The following AGO4 variants were observed in gnomAD, a reference collection of about 807,000 sequenced individuals.
The protein encoded by AGO4 is argonaute RISC component 4, also known as protein argonaute-4.
A neutral mutation model predicts 104.7 loss-of-function variants in AGO4; 33 were observed. That is an observed-to-expected ratio of 0.32 (90% CI 0.24 to 0.42). The LOEUF (loss-of-function observed/expected upper bound fraction) is 0.42, where lower values mean the gene tolerates loss of function less well. AGO4 is among the 10% of genes least tolerant of loss of function. The pLI is 1.00. For synonymous variants in AGO4, 331 were observed against 364.7 expected (o/e 0.91, Z 1.05); for missense variants, 711 against 1,083.4 (o/e 0.66, Z 4.83).
chr1:35,841,807 T>G lies in AGO4; in HGVS notation c.2175+57T>G. 2 of 1,162,920 alleles carry G rather than the reference T, an allele frequency of 1.7e-6. No individual in the cohort carries two copies. The highest frequency in any genetic ancestry group is 1.6e-5 in the South Asian group (1 of 63,558). The allele number at this position is 1,162,920 out of a possible 1,614,324, so 72.0% of individuals were successfully genotyped here. ...GAGGCTCTGGCAAGAGATGTATATATGCACATATATATATATATATATATA... is the reference window on the plus strand; with the variant it reads ...GAGGCTCTGGCAAGAGATGTATATAGGCACATATATATATATATATATATA... On this transcript the variant is annotated intron_variant, in intron 15 of 17. Transcript: ENST00000373210. This position sits in a 1 kb window ranked among gnomAD's most constrained non-coding sequence, Gnocchi z 4.7.
chr1:35,826,781 T>G lies in AGO4; in HGVS notation c.794T>G (p.Met265Arg). 1 of 1,614,162 alleles carries G rather than the reference T, an allele frequency of 6.2e-7. No individual in the cohort carries two copies. Among genetic ancestry groups the G allele is most frequent in the Non-Finnish European group, 8.5e-7 (1 of 1,180,016 alleles). ...LKVEVTHCGQ[M>R]KRKYRVCNVT... ...GTTGAGGTGACCCACTGTGGACAGA[T>G]GAAACGAAAATACCGAGTTTGTAAT... The change falls in exon 7 of 18, where the codon ATG becomes AGG. Residue 265 changes from methionine to arginine, a missense_variant. Transcript: ENST00000373210.
chr1:35,828,451 G>T (rs1270615997), intron 7 of AGO4, among the ~76,000 whole-genome samples: 1 of 151,998 alleles, frequency 6.6e-6, no homozygotes, highest in Admixed American at 6.6e-5. Flanking sequence ...TACAGCTGTT[G>T]GTGTCTATGG....
intron 2 of AGO4, among the ~76,000 whole-genome samples, chr1:35,819,842 G>T (rs1643852047): frequency 6.6e-6 from 1 of 151,588 alleles, no homozygotes; most frequent in Non-Finnish European, 1.5e-5. Context: ...ATTAAGGTTG[G>T]ATTCAGGGAA....
chr1:35,837,960 G>A (rs1306730319), intron 13 of AGO4, among the ~76,000 whole-genome samples: 4 of 151,908 alleles, frequency 2.6e-5, no homozygotes, highest in African/African-American at 9.7e-5. Context: ...ATGACTCACT[G>A]CAGCCTCAAT....
intron 3 of AGO4, among the ~76,000 whole-genome samples, chr1:35,824,684 C>T (rs558249321): frequency 1.3e-5 from 2 of 152,040 alleles, no homozygotes; most frequent in East Asian, 1.9e-4. Flanking sequence ...ACTTGTAATT[C>T]CAGCTACTTG....
intron 2 of AGO4, among the ~76,000 whole-genome samples, chr1:35,822,194 A>T (rs1025129894): frequency 1.3e-5 from 2 of 151,428 alleles, no homozygotes; most frequent in African/African-American, 4.9e-5. Flanking sequence ...TATTGATTTG[A>T]TGACAAACTT....
At position 35,808,201 on chromosome 1, in the gene AGO4, T is replaced by G; in HGVS notation, c.-216T>G. Reference sequence around the variant, plus strand: ...CGGCGGCGGCGGCGGCGGCGGGGATTGTTTTTGTTGTCGCTGAGGCCGGAA... The same window carrying G: ...CGGCGGCGGCGGCGGCGGCGGGGATGGTTTTTGTTGTCGCTGAGGCCGGAA... On this transcript the variant is annotated 5_prime_UTR_variant, in exon 1 of 18. In the 5' UTR this introduces an upstream ATG that the reference lacks. Coordinates refer to ENST00000373210, the MANE Select transcript of AGO4 (RefSeq NM_017629.4). The surrounding 1 kb of genome is among the most constrained non-coding windows in gnomAD (Gnocchi z 5.2). The G allele has an allele frequency of 6.5e-6, 1 of 152,832 alleles. No individual in the cohort carries two copies. The highest frequency in any genetic ancestry group is 1.3e-5 in the Non-Finnish European group (1 of 74,144). The allele number at this position is 152,832 out of a possible 1,614,324, so 9.5% of individuals were successfully genotyped here. A position where few individuals can be genotyped will look rare whatever the true frequency, so the allele number is the denominator to read the frequency against.
chr1:35,841,205 G>A lies in AGO4; in HGVS notation c.1765G>A (p.Asp589Asn), dbSNP rs746407852. ...FQQPVIFLGA[D>N]VTHPPAGDGK... The stretch of plus-strand genomic sequence containing the variant: ...GCAGCCTGTCATCTTCCTGGGAGCG[G>A]ATGTCACACACCCCCCAGCAGGGGA... The change falls in exon 14 of 18, where the codon GAT becomes AAT. Residue 589 changes from aspartate to asparagine, a missense_variant. By Grantham distance (23) the Asp-to-Asn change is conservative. Transcript: ENST00000373210. This position sits in a 1 kb window ranked among gnomAD's most constrained non-coding sequence, Gnocchi z 4.7. 1 of 1,612,952 alleles carries A rather than the reference G, an allele frequency of 6.2e-7. No homozygotes were observed. The highest frequency in any genetic ancestry group is 8.5e-7 in the Non-Finnish European group (1 of 1,179,016).
At chr1:35,812,246 A>C (rs747404280) in intron 1 of AGO4, among the ~76,000 whole-genome samples, 2 of 152,208 alleles carry the variant, frequency 1.3e-5, no homozygotes, top group Non-Finnish European at 2.9e-5. Context: ...AAAAAGTTAT[A>C]ATTTTCAAAC....
At chr1:35,839,949 A>C (rs527564872) in intron 13 of AGO4, among the ~76,000 whole-genome samples, 1 of 150,888 alleles carries the variant, frequency 6.6e-6, no homozygotes, top group African/African-American at 2.4e-5. Context: ...CCTGGGCAAC[A>C]GAGTGAGACC....
chr1:35,826,010 C>A lies in AGO4; in HGVS notation c.710C>A (p.Thr237Asn). ...VLDIQNINEQ[T>N]KPLTDSQRVK... ...GACATTCAGAACATCAATGAACAGA[C>A]CAAACCTCTAACAGACTCCCAGCGT... The change falls in exon 6 of 18, where the codon ACC (threonine) becomes AAC (asparagine). Residue 237 changes from threonine to asparagine, a missense_variant. Thr to Asn is a moderately conservative substitution (Grantham distance 65, BLOSUM62 0). This residue lies in a region of AGO4 where 308 missense variants were observed against 397.8 expected (regional missense o/e 0.77). Transcript: ENST00000373210. The A allele has an allele frequency of 6.2e-7, 1 of 1,614,166 alleles. No homozygotes were observed. Among genetic ancestry groups the A allele is most frequent in the African/African-American group, 1.3e-5 (1 of 75,038 alleles).
chr1:35,850,157 G>A lies in AGO4; in HGVS notation c.2176G>A (p.Val726Ile), dbSNP rs754268138. The A allele has an allele frequency of 1.9e-6, 3 of 1,566,140 alleles. No homozygotes were observed. Among genetic ancestry groups the A allele is most frequent in the East Asian group, 4.7e-5 (2 of 42,624 alleles). Reference sequence around the variant, plus strand: ...AATTACTTTTTTTTGTTTTTTGTAGGTAGGGAAAAGTGGCAATGTACCAGC... The same window carrying A: ...AATTACTTTTTTTTGTTTTTTGTAGATAGGGAAAAGTGGCAATGTACCAGC... Reference protein sequence around the residue: ...RLFCADKTERVGKSGNVPAGT... With the variant: ...RLFCADKTERIGKSGNVPAGT... Residue 726 changes from valine (V) to isoleucine (I), a missense_variant and splice_region_variant, in exon 16 of 18, where the codon GTA becomes ATA. Transcript: ENST00000373210.
intron 16 of AGO4, 60 bp from the exon 17 acceptor site, chr1:35,850,794 A>AAAAC: frequency 9.1e-7 from 1 of 1,100,436 alleles, no homozygotes; most frequent in Non-Finnish European, 1.3e-6. Flanking sequence ...AAAAAAAAAA[A>AAAAC]AAAAACAAAA....
rs746317367 is a variant in AGO4 at position 35,814,660 on chromosome 1, AGGAC to A, written c.20-2218_20-2215del. On this transcript the variant is annotated intron_variant, in intron 1 of 17. Coordinates refer to ENST00000373210, the MANE Select transcript of AGO4 (RefSeq NM_017629.4). ...TATAGAGAGAGTCTTTTGAACACAG[AGGAC>A]GGATCCTCTAGTCTGGGAGAATCAG... Among the ~76,000 whole-genome samples the A allele has an allele frequency of 3.9e-5, 6 of 152,280 alleles. No individual in the cohort carries two copies. In the South Asian group the frequency reaches 1.0e-3, roughly 26 times the overall value.
chr1:35,825,966 G>C lies in AGO4; in HGVS notation c.666G>C (p.Glu222Asp), dbSNP rs1433704727. The change falls in exon 6 of 18, where the codon GAG becomes GAC. Residue 222 changes from glutamate (E) to aspartate (D), a missense_variant. Glu to Asp is a conservative substitution (Grantham distance 45). Coordinates refer to ENST00000373210, the MANE Select transcript of AGO4 (RefSeq NM_017629.4). ...TCTACCGGGCTCAGCCTATCATTGA[G>C]TTCATGTGTGAGGTTTTAGACATTC... is the stretch of plus-strand genomic sequence containing the variant. ...TAFYRAQPII[E>D]FMCEVLDIQN... The C allele has an allele frequency of 1.9e-6, 3 of 1,614,060 alleles. No homozygotes were observed. The highest frequency in any genetic ancestry group is 2.5e-6 in the Non-Finnish European group (3 of 1,180,040).
intron 2 of AGO4, among the ~76,000 whole-genome samples, chr1:35,818,040 A>C (rs1212861421): frequency 1.3e-5 from 2 of 152,238 alleles, no homozygotes; most frequent in African/African-American, 4.8e-5. Context: ...ATGAAGAAGC[A>C]AACAAAACAT....
intron 7 of AGO4, among the ~76,000 whole-genome samples, chr1:35,827,135 A>G (rs536754368): frequency 6.6e-6 from 1 of 152,196 alleles, no homozygotes; most frequent in South Asian, 2.1e-4. Context: ...TGGGAGGTGG[A>G]GGTTACAGTG....
rs780539939 is a variant in AGO4, at chr1:35,841,485, T to C, written c.2040+5T>C. 8 of 1,611,588 alleles carry C rather than the reference T, an allele frequency of 5.0e-6. No homozygotes were observed. Among genetic ancestry groups the C allele is most frequent in the African/African-American group, 2.7e-5 (2 of 74,868 alleles). ...TCTGAGGGACAAATGAAACAGGTAC[T>C]CTCATTATCCCTGTTGCCCTTCGGG... On this transcript the variant is annotated splice_donor_5th_base_variant and intron_variant, in intron 14 of 17. Coordinates refer to ENST00000373210, the MANE Select transcript of AGO4 (RefSeq NM_017629.4). This position sits in a 1 kb window ranked among gnomAD's most constrained non-coding sequence, Gnocchi z 4.7.
Position 35,853,575 on chromosome 1 carries a change from T to C in AGO4, c.2556T>C (p.His852=), listed in dbSNP as rs768808686. 1.9e-5 allele frequency: 31 copies of C among 1,614,076 alleles called. No homozygotes were observed. The highest frequency in any genetic ancestry group is 4.5e-5 in the East Asian group (2 of 44,882). The change falls in exon 18 of 18, where the codon CAT becomes CAC. Residue 852 remains histidine, a synonymous_variant. Coordinates refer to ENST00000373210, the MANE Select transcript of AGO4 (RefSeq NM_017629.4). ...TGGCTAAGGCTGTGCAAATCCACCA[T>C]GATACCCAGCACACGATGTATTTTG... is the stretch of plus-strand genomic sequence containing the variant. ...QALAKAVQIH[H]DTQHTMYFA is the part of the protein sequence containing the mutation.
Sources: gnomAD v4.1 joint callset for allele counts (sites outside exome capture counted in the v4.1 genomes callset) on GRCh38, gnomAD v4.1.1 for gene constraint, gnomAD v4.1.1 regional missense constraint, Gnocchi (gnomAD v3.1) non-coding constraint, MANE v1.5 for transcripts, NCBI Gene and HGNC (gene_info 2026-07-23, HGNC 2026-07-21) for gene names.